Variants in TOM1L2 observed in about 807,000 individuals in gnomAD.
TOM1L2 encodes the protein TOM1-like protein 2.
A neutral mutation model predicts 67.9 loss-of-function variants in TOM1L2; 31 were observed. The ratio of observed to expected loss-of-function variants is 0.46; its 90% CI spans 0.34 to 0.62. The LOEUF (loss-of-function observed/expected upper bound fraction) is 0.62. TOM1L2 is among the 20% of genes least tolerant of loss of function. TOM1L2 has a pLI of 0.01. For synonymous variants in TOM1L2, 256 were observed against 254.0 expected, an observed-to-expected ratio of 1.01 and a Z score of -0.07; for missense variants, 606 against 663.5, an observed-to-expected ratio of 0.91 and a Z score of 0.95.
chr17:17,851,320 G>A (rs2035965134), intron 12 of TOM1L2: 5 of 333,950 alleles, frequency 1.5e-5, no homozygotes, highest in South Asian at 4.9e-5. Flanking sequence ...GCGCTGCCAC[G>A]CAGGCTGATT....
chr17:17,861,636 A>G, intron 11 of TOM1L2, 85 bp from the exon 12 acceptor site: 1 of 1,182,180 alleles, frequency 8.5e-7, no homozygotes, highest in Non-Finnish European at 1.3e-6. Flanking sequence ...AATCACTTCT[A>G]TCCTATGGTC....
intron 1 of TOM1L2, among the ~76,000 whole-genome samples, chr17:17,930,933 A>C (rs1371561404): frequency 6.6e-6 from 1 of 152,202 alleles, no homozygotes; most frequent in Admixed American, 6.5e-5. Context: ...TTTTTCCCTA[A>C]CAGTAAGTTT....
chr17:17,890,173 C>T (rs2038202230), intron 4 of TOM1L2, among the ~76,000 whole-genome samples: 1 of 152,098 alleles, frequency 6.6e-6, no homozygotes, highest in South Asian at 2.1e-4. Flanking sequence ...AAAAGGTTGA[C>T]CCAATGCAAT....
At chr17:17,965,868 C>A (rs1340378905) in intron 1 of TOM1L2, among the ~76,000 whole-genome samples, 1 of 152,170 alleles carries the variant, frequency 6.6e-6, no homozygotes, top group Non-Finnish European at 1.5e-5. Flanking sequence ...CACCTGTAAT[C>A]CCAGCACTTT....
chr17:17,906,609 C>T (rs2039110087), intron 2 of TOM1L2, among the ~76,000 whole-genome samples: 1 of 152,218 alleles, frequency 6.6e-6, no homozygotes, highest in Admixed American at 6.5e-5. Context: ...ATCTTGTTCA[C>T]TGCTGTGTCC....
chr17:17,885,170 T>C (rs1376202687), intron 4 of TOM1L2, among the ~76,000 whole-genome samples: 2 of 152,262 alleles, frequency 1.3e-5, no homozygotes, highest in African/African-American at 2.4e-5. Flanking sequence ...GCCTGCCCTC[T>C]GTGCGGGAGC....
intron 10 of TOM1L2, among the ~76,000 whole-genome samples, chr17:17,866,040 C>A (rs1233476662): frequency 1.3e-5 from 2 of 152,062 alleles, no homozygotes; most frequent in Admixed American, 6.6e-5. Context: ...CTGCGCACGG[C>A]CGTGACCTTT....
chr17:17,961,127 GA>G (rs2041660241), intron 1 of TOM1L2, among the ~76,000 whole-genome samples: 1 of 152,152 alleles, frequency 6.6e-6, no homozygotes, highest in Admixed American at 6.5e-5. Flanking sequence ...GACTTGAACA[GA>G]CATTTCTCCA....
intron 7 of TOM1L2, among the ~76,000 whole-genome samples, chr17:17,870,237 C>A (rs2037080035): frequency 6.6e-6 from 1 of 152,158 alleles, no homozygotes. Flanking sequence ...CCCCTGGAGC[C>A]CTCTCTACCC....
intron 4 of TOM1L2, among the ~76,000 whole-genome samples, chr17:17,890,204 A>C (rs2038204668): frequency 6.6e-6 from 1 of 152,188 alleles, no homozygotes; most frequent in Non-Finnish European, 1.5e-5. Context: ...GCTCTAATGA[A>C]GAAGATTGAA....
chr17:17,932,424 CCAG>C (rs2040370768), intron 1 of TOM1L2, among the ~76,000 whole-genome samples: 1 of 152,118 alleles, frequency 6.6e-6, no homozygotes, highest in Admixed American at 6.6e-5. Context: ...GTTACCGTGC[CCAG>C]CCCTCTTTTT....
intron 1 of TOM1L2, among the ~76,000 whole-genome samples, chr17:17,959,467 C>T (rs973834606): frequency 9.2e-5 from 14 of 152,206 alleles, no homozygotes; most frequent in African/African-American, 3.4e-4. Context: ...GGACCAAATA[C>T]CACTAAGACC....
chr17:17,903,990 G>GATTATTATTATTATT (rs58881326), intron 2 of TOM1L2, among the ~76,000 whole-genome samples: 1,630 of 151,446 alleles, frequency 0.011, 20 homozygotes, highest in African/African-American at 0.035. Flanking sequence ...CTCAGGAAGA[G>GATTATTATTATTATT]ATTATTATTA....
chr17:17,951,770 C>T (rs145163933), intron 1 of TOM1L2, among the ~76,000 whole-genome samples: 2 of 152,260 alleles, frequency 1.3e-5, no homozygotes, highest in East Asian at 1.9e-4. Context: ...GGAAGTTAGC[C>T]GAAGGCAACT....
At chr17:17,865,737 C>T (rs530614466) in intron 10 of TOM1L2, among the ~76,000 whole-genome samples, 1 of 140,614 alleles carries the variant, frequency 7.1e-6, no homozygotes, top group South Asian at 2.2e-4. Flanking sequence ...TGGCAGGTGA[C>T]CTTTCTTTTT....
chr17:17,879,255 A>C (rs1160874878), intron 7 of TOM1L2, among the ~76,000 whole-genome samples: 1 of 152,262 alleles, frequency 6.6e-6, no homozygotes, highest in Non-Finnish European at 1.5e-5. Flanking sequence ...ACTACATTTA[A>C]AATAAACCTA....
intron 1 of TOM1L2, among the ~76,000 whole-genome samples, chr17:17,962,077 GAA>G (rs2041702115): frequency 6.6e-6 from 1 of 152,138 alleles, no homozygotes; most frequent in Non-Finnish European, 1.5e-5. Context: ...CAATAGAGAT[GAA>G]ACTTGAAGAC....
rs183313763 is a variant in TOM1L2 at position 17,922,339 on chromosome 17, G to C, written c.53-14808C>G. Among the ~76,000 whole-genome samples, 375 of 152,290 alleles carry C rather than the reference G, an allele frequency of 2.5e-3. 1 individual carries two copies. The highest frequency in any genetic ancestry group is 3.2e-3 in the Non-Finnish European group (220 of 68,024). ...GAGCGGTGAGAGGAGGCCAGCTCTG[G>C]AGTGTCCTTTCATTTTCTCTAAGGA... On this transcript the variant is annotated intron_variant, in intron 1 of 14. Coordinates refer to ENST00000379504, the MANE Select transcript of TOM1L2 (RefSeq NM_001082968.2).
chr17:17,896,912 C>G (rs2038602004), intron 3 of TOM1L2, among the ~76,000 whole-genome samples: 1 of 152,172 alleles, frequency 6.6e-6, no homozygotes, highest in Non-Finnish European at 1.5e-5. Context: ...GCCCTATCAG[C>G]AGACGTGAGA....
Sources: allele counts gnomAD v4.1 joint callset (sites outside exome capture counted in the v4.1 genomes callset), GRCh38; gene constraint gnomAD v4.1.1; transcripts MANE v1.5; gene names NCBI Gene and HGNC (gene_info 2026-07-23, HGNC 2026-07-21).